CSMD1: variants seen among roughly 807,000 people sequenced by gnomAD.
The protein encoded by CSMD1 is CUB and sushi domain-containing protein 1.
In CSMD1, 213 loss-of-function variants were observed where a neutral mutation model predicts 417.5. The ratio of observed to expected loss-of-function variants is 0.51; its 90% CI spans 0.46 to 0.57. The LOEUF is 0.57. CSMD1 is among the 20% of genes least tolerant of loss of function. The pLI, the probability that CSMD1 is intolerant of heterozygous loss-of-function variation, is 0.00. For synonymous variants in CSMD1, 2,862 were observed against 1,736.8 expected, an observed-to-expected ratio of 1.65 and a Z score of -16.11; for missense variants, 6,923 against 4,529.7, an observed-to-expected ratio of 1.53 and a Z score of -15.17.
chr8:3,555,987 G>T (rs1313663322), intron 10 of CSMD1, among the ~76,000 whole-genome samples: 1 of 152,032 alleles, frequency 6.6e-6, no homozygotes, highest in Admixed American at 6.6e-5. Context: ...TATTAAAACT[G>T]GTGATTTCAA....
At chr8:2,976,651 C>G (rs2128936231) in intron 55 of CSMD1, among the ~76,000 whole-genome samples, 1 of 152,280 alleles carries the variant, frequency 6.6e-6, no homozygotes, top group Non-Finnish European at 1.5e-5. Context: ...ACCTGGCCTC[C>G]ACTTTCTTTA....
intron 10 of CSMD1, among the ~76,000 whole-genome samples, chr8:3,556,414 T>TATATATATATATATATA (rs1349911850): frequency 6.2e-4 from 88 of 141,892 alleles, no homozygotes; most frequent in South Asian, 1.3e-3. Flanking sequence ...TATATATATA[T>TATATATATATATATATA]TCACACACAC....
intron 5 of CSMD1, among the ~76,000 whole-genome samples, chr8:3,754,613 C>A (rs140181487): frequency 6.6e-6 from 1 of 152,138 alleles, no homozygotes; most frequent in African/African-American, 2.4e-5. Context: ...CGCCATCATG[C>A]CTGGCTACTT....
chr8:3,711,346 C>T (rs1451301119), intron 6 of CSMD1, among the ~76,000 whole-genome samples: 4 of 152,298 alleles, frequency 2.6e-5, no homozygotes, highest in East Asian at 3.9e-4. Flanking sequence ...CCCAGATCCC[C>T]CTCCAAGGAA....
At chr8:4,831,274 TA>T (rs1800134357) in intron 1 of CSMD1, among the ~76,000 whole-genome samples, 1 of 152,182 alleles carries the variant, frequency 6.6e-6, no homozygotes, top group Non-Finnish European at 1.5e-5. Flanking sequence ...ACTGGGAAAT[TA>T]GTGCTCCACT....
chr8:3,146,663 G>A (rs539296261), intron 40 of CSMD1, among the ~76,000 whole-genome samples: 21 of 152,198 alleles, frequency 1.4e-4, no homozygotes, highest in African/African-American at 4.8e-4. Flanking sequence ...TGAGGGACAG[G>A]CTGTGTGGGT....
At chr8:3,117,119 G>A (rs953036042) in intron 42 of CSMD1, among the ~76,000 whole-genome samples, 33 of 152,214 alleles carry the variant, frequency 2.2e-4, no homozygotes, top group African/African-American at 7.0e-4. Flanking sequence ...CGCCCAGGCT[G>A]GAGGGCAGTG....
chr8:4,664,285 C>T (rs528701164), intron 1 of CSMD1, among the ~76,000 whole-genome samples: 1 of 152,272 alleles, frequency 6.6e-6, no homozygotes, highest in Admixed American at 6.5e-5. Context: ...CAATGCTGGG[C>T]ACGGTGGCTC....
intron 6 of CSMD1, among the ~76,000 whole-genome samples, chr8:3,713,743 G>C (rs929691559): frequency 1.1e-4 from 16 of 152,332 alleles, no homozygotes; most frequent in Non-Finnish European, 2.9e-5. Flanking sequence ...AATATGAGGA[G>C]ATGCCATTGC....
intron 1 of CSMD1, among the ~76,000 whole-genome samples, chr8:4,960,390 T>A (rs542259431): frequency 6.6e-6 from 1 of 152,318 alleles, no homozygotes; most frequent in South Asian, 2.1e-4. Flanking sequence ...TTGAGAGAGC[T>A]GGCAAGCTAC....
At chr8:4,219,867 C>G (rs924306163) in intron 3 of CSMD1, among the ~76,000 whole-genome samples, 1 of 152,122 alleles carries the variant, frequency 6.6e-6, no homozygotes, top group African/African-American at 2.4e-5. Flanking sequence ...CATAGAAAGA[C>G]AAAATCTCGA....
intron 1 of CSMD1, among the ~76,000 whole-genome samples, chr8:4,944,804 T>C (rs946449311): frequency 3.3e-5 from 5 of 152,130 alleles, no homozygotes; most frequent in Admixed American, 2.0e-4. Context: ...TTGGTGGGAA[T>C]GCAAAATGGT....
intron 26 of CSMD1, among the ~76,000 whole-genome samples, chr8:3,277,199 A>G (rs539474216): frequency 6.6e-6 from 1 of 152,196 alleles, no homozygotes; most frequent in East Asian, 1.9e-4. Context: ...GCTTAGGGGA[A>G]GTTTTCAGAG....
intron 3 of CSMD1, among the ~76,000 whole-genome samples, chr8:4,198,661 T>C (rs1278434733): frequency 6.6e-6 from 1 of 152,178 alleles, no homozygotes; most frequent in African/African-American, 2.4e-5. Flanking sequence ...TAGCTTGCCT[T>C]TTCCAGATGG....
At chr8:4,723,369 C>T (rs1431080469) in intron 1 of CSMD1, among the ~76,000 whole-genome samples, 4 of 152,086 alleles carry the variant, frequency 2.6e-5, no homozygotes, top group Non-Finnish European at 5.9e-5. Context: ...GTTCGCTCAA[C>T]TCATGAAAAA....
chr8:3,555,773 TTAGA>T (rs1799116664), intron 10 of CSMD1, among the ~76,000 whole-genome samples: 2 of 152,260 alleles, frequency 1.3e-5, no homozygotes, highest in East Asian at 1.9e-4. Context: ...TTTTAGATAG[TTAGA>T]TAGATGTATG....
chr8:3,554,005 AT>A (rs199869264), intron 10 of CSMD1, among the ~76,000 whole-genome samples: 213 of 152,234 alleles, frequency 1.4e-3, no homozygotes, highest in African/African-American at 4.9e-3. Context: ...TCTAGGACTG[AT>A]TTTATTTTTC....
At chr8:4,726,867 G>A (rs889153903) in intron 1 of CSMD1, among the ~76,000 whole-genome samples, 2 of 152,042 alleles carry the variant, frequency 1.3e-5, no homozygotes, top group African/African-American at 4.8e-5. Context: ...AAATAGTATT[G>A]AGTTTCAAAA....
At chr8:3,224,494 T>C (rs1177037366) in intron 27 of CSMD1, among the ~76,000 whole-genome samples, 1 of 152,196 alleles carries the variant, frequency 6.6e-6, no homozygotes, top group Admixed American at 6.5e-5. Context: ...AGGCTTGAAT[T>C]ACTTTCCCCA....
Sources: allele counts gnomAD v4.1 joint callset (sites outside exome capture counted in the v4.1 genomes callset), GRCh38; gene constraint gnomAD v4.1.1; transcripts MANE v1.5; gene names NCBI Gene and HGNC (gene_info 2026-07-23, HGNC 2026-07-21).